The following MAML3 variants were observed in gnomAD, a reference collection of about 807,000 sequenced individuals.
MAML3 encodes mastermind like transcriptional coactivator 3, also known as mastermind-like protein 3.
A neutral mutation model predicts 101.9 loss-of-function variants in MAML3; 27 were observed. That is an observed-to-expected ratio of 0.27 (90% CI 0.20 to 0.37). The LOEUF (loss-of-function observed/expected upper bound fraction) is 0.37. Ranked by LOEUF, MAML3 falls within the 10% of genes least tolerant of loss-of-function variation. The pLI is 1.00. For missense variants in MAML3, 1,316 were observed against 1,444.9 expected (o/e 0.91, Z 1.45); for synonymous variants, 501 against 555.9 (o/e 0.90, Z 1.39).
intron 1 of MAML3, among the ~76,000 whole-genome samples, chr4:140,094,162 C>T (rs1469794408): frequency 6.6e-6 from 1 of 152,090 alleles, no homozygotes; most frequent in African/African-American, 2.4e-5. Context: ...GGATTTCATC[C>T]AGGTAAGGGG....
chr4:139,755,852 T>A (rs1729637698), intron 2 of MAML3, among the ~76,000 whole-genome samples: 1 of 152,056 alleles, frequency 6.6e-6, no homozygotes, highest in African/African-American at 2.4e-5. Context: ...TAAAATAAAA[T>A]AAAAAAACCC....
At chr4:140,149,460 T>C (rs1245408173) in intron 1 of MAML3, among the ~76,000 whole-genome samples, 1 of 152,204 alleles carries the variant, frequency 6.6e-6, no homozygotes, top group Non-Finnish European at 1.5e-5. Context: ...TTGTTGTTGT[T>C]TTTCATGCCC....
At chr4:140,041,517 G>A (rs371720755) in intron 1 of MAML3, among the ~76,000 whole-genome samples, 6 of 152,074 alleles carry the variant, frequency 3.9e-5, no homozygotes, top group East Asian at 3.9e-4. Flanking sequence ...TCAGCTGCTC[G>A]GGAGGCTAAG....
At chr4:139,951,901 C>T (rs2110759232) in intron 1 of MAML3, among the ~76,000 whole-genome samples, 1 of 152,214 alleles carries the variant, frequency 6.6e-6, no homozygotes, top group African/African-American at 2.4e-5. Context: ...CAGTGGCTCA[C>T]ACCTGTAATC....
rs532006457 is a variant in MAML3, at chr4:140,005,888, G to A, written c.469-114921C>T. On this transcript the variant is annotated intron_variant, in intron 1 of 4. Transcript: ENST00000509479. Reference sequence around the variant, plus strand: ...CCTTGTCACTCACCAGATGAAATCTGATCTCTCTCAAATCATCTCACCCAA... The same window carrying A: ...CCTTGTCACTCACCAGATGAAATCTAATCTCTCTCAAATCATCTCACCCAA... 2.6e-5 allele frequency among the ~76,000 whole-genome samples: 4 copies of A among 152,306 alleles called. No individual in the cohort carries two copies. In the South Asian group the frequency reaches 8.3e-4, roughly 32 times the overall value.
At chr4:140,083,390 T>C (rs1370877224) in intron 1 of MAML3, among the ~76,000 whole-genome samples, 1 of 152,262 alleles carries the variant, frequency 6.6e-6, no homozygotes, top group Non-Finnish European at 1.5e-5. Context: ...AGCACTCCCA[T>C]GCATGCCATT....
intron 2 of MAML3, among the ~76,000 whole-genome samples, chr4:139,756,391 G>A (rs1729651148): frequency 6.6e-6 from 1 of 152,076 alleles, no homozygotes; most frequent in Non-Finnish European, 1.5e-5. Flanking sequence ...GTAGTATACT[G>A]GTCTATGTAA....
intron 1 of MAML3, among the ~76,000 whole-genome samples, chr4:139,898,483 AC>A (rs1732654637): frequency 6.6e-6 from 1 of 152,208 alleles, no homozygotes; most frequent in Non-Finnish European, 1.5e-5. Context: ...TTATTTTCAG[AC>A]TTGAATTTTA....
At chr4:139,732,576 ATT>A (rs5862431) in intron 2 of MAML3, among the ~76,000 whole-genome samples, 3,861 of 145,768 alleles carry the variant, frequency 0.026, 140 homozygotes, top group African/African-American at 0.087. Context: ...CTAGAACGCT[ATT>A]TTTTTTTTTT....
At chr4:139,773,423 C>T (rs1414137942) in intron 2 of MAML3, among the ~76,000 whole-genome samples, 1 of 152,298 alleles carries the variant, frequency 6.6e-6, no homozygotes, top group South Asian at 2.1e-4. Flanking sequence ...CAGGGAAATA[C>T]AATTTTCAAG....
chr4:140,124,797 AAGCC>A (rs1728660202), intron 1 of MAML3, among the ~76,000 whole-genome samples: 1 of 152,142 alleles, frequency 6.6e-6, no homozygotes, highest in Non-Finnish European at 1.5e-5. Flanking sequence ...TAATATAGAA[AAGCC>A]CTGGTGCAGG....
In MAML3 at chr4:139,890,942, AACT is replaced by A; in HGVS notation, c.491_493del (p.Lys164_Leu165delinsMet). 6.2e-7 allele frequency: 1 copy of A among 1,612,790 alleles called. No individual in the cohort carries two copies. Among genetic ancestry groups the A allele is most frequent in the Non-Finnish European group, 8.5e-7 (1 of 1,179,168 alleles). On this transcript the variant is annotated inframe_deletion, in exon 2 of 5. Transcript: ENST00000509479. This position sits in a 1 kb window ranked among gnomAD's most constrained non-coding sequence, Gnocchi z 4.1. ...ATTAAGTGGTGATCGAGCTCCTTCC[AACT>A]TCCTTTTCACAGTCTCTTGTAGCTG...
chr4:140,022,569 T>C (rs1726749264), intron 1 of MAML3, among the ~76,000 whole-genome samples: 1 of 152,156 alleles, frequency 6.6e-6, no homozygotes, highest in Non-Finnish European at 1.5e-5. Context: ...ACATGGAAGA[T>C]CAATAAGATG....
intron 1 of MAML3, among the ~76,000 whole-genome samples, chr4:140,086,977 T>G (rs912311403): frequency 6.6e-6 from 1 of 152,124 alleles, no homozygotes; most frequent in African/African-American, 2.4e-5. Flanking sequence ...ATGGCCAACA[T>G]GGCGAAACCC....
At chr4:140,071,992 G>A (rs1727664790) in intron 1 of MAML3, among the ~76,000 whole-genome samples, 1 of 152,098 alleles carries the variant, frequency 6.6e-6, no homozygotes, top group Non-Finnish European at 1.5e-5. Context: ...GAGGAAGGGG[G>A]AGAACAGACA....
chr4:140,041,613 A>G (rs1394261260), intron 1 of MAML3, among the ~76,000 whole-genome samples: 4 of 152,012 alleles, frequency 2.6e-5, no homozygotes, highest in South Asian at 2.1e-4. Flanking sequence ...CGAGTGAGAC[A>G]CTGCCTCAAA....
intron 2 of MAML3, among the ~76,000 whole-genome samples, chr4:139,852,571 T>A (rs1231685408): frequency 6.6e-6 from 1 of 151,812 alleles, no homozygotes; most frequent in Admixed American, 6.6e-5. Context: ...TGCCATCATG[T>A]CTGGCTAATT....
intron 1 of MAML3, among the ~76,000 whole-genome samples, chr4:139,974,054 G>A (rs767461449): frequency 6.6e-6 from 1 of 150,958 alleles, no homozygotes; most frequent in African/African-American, 2.4e-5. Flanking sequence ...GGCCTACAAC[G>A]TTCCTTTAAA....
intron 1 of MAML3, among the ~76,000 whole-genome samples, chr4:139,913,267 A>G (rs1462291585): frequency 1.3e-5 from 2 of 152,234 alleles, no homozygotes; most frequent in Non-Finnish European, 2.9e-5. Context: ...GTAATGCCTT[A>G]GTGCTGTCAT....
Sources: gnomAD v4.1 joint callset for allele counts (sites outside exome capture counted in the v4.1 genomes callset) on GRCh38, gnomAD v4.1.1 for gene constraint, Gnocchi (gnomAD v3.1) non-coding constraint, MANE v1.5 for transcripts, NCBI Gene and HGNC (gene_info 2026-07-23, HGNC 2026-07-21) for gene names.